XPO6: variants seen among roughly 807,000 people sequenced by gnomAD.
XPO6 encodes exportin 6.
XPO6 carries 3 observed loss-of-function variants against 130.0 expected under a neutral mutation model. That is an observed-to-expected ratio of 0.02 (90% CI 0.01 to 0.06). The LOEUF (loss-of-function observed/expected upper bound fraction) is 0.06. Ranked by LOEUF, XPO6 falls within the 10% of genes least tolerant of loss-of-function variation. The pLI is 1.00. For missense variants in XPO6, 970 were observed against 1,393.0 expected (o/e 0.70, Z 4.83); for synonymous variants, 524 against 548.9 (o/e 0.95, Z 0.63).
intron 8 of XPO6, among the ~76,000 whole-genome samples, chr16:28,152,050 C>A (rs2043100934): frequency 6.6e-6 from 1 of 150,546 alleles, no homozygotes; most frequent in Non-Finnish European, 1.5e-5. Flanking sequence ...AATAAAGCCA[C>A]ATATATAATT....
At chr16:28,119,827 G>C (rs1029660490) in intron 14 of XPO6, among the ~76,000 whole-genome samples, 5 of 152,052 alleles carry the variant, frequency 3.3e-5, no homozygotes, top group Non-Finnish European at 7.4e-5. Context: ...AAGGATTTAC[G>C]GGTGAAGTGA....
At position 28,197,836 on chromosome 16, in the gene XPO6, T is replaced by C. The variant is rs1031169153; in HGVS notation, c.3+13530A>G. 3.3e-5 allele frequency among the ~76,000 whole-genome samples: 5 copies of C among 149,874 alleles called. No homozygotes were observed. In the East Asian group the frequency reaches 9.8e-4, roughly 29 times the overall value. On this transcript the variant is annotated intron_variant, in intron 1 of 23. Transcript: ENST00000304658. ...TGGGAGGCTGAGGCAGGAAAACTGC[T>C]TGAACCCGGGAGGCGGAGGTTACAG...
chr16:28,111,734 C>A lies in XPO6; in HGVS notation c.2341+83G>T. The A allele has an allele frequency of 4.6e-6, 7 of 1,506,964 alleles. No individual in the cohort carries two copies. In the South Asian group the frequency reaches 8.8e-5, roughly 19 times the overall value. 93.3% of individuals were successfully genotyped at this position (1,506,964 alleles called of 1,614,324 possible). A position where few individuals can be genotyped will look rare whatever the true frequency, so the allele number is the denominator to read the frequency against. On this transcript the variant is annotated intron_variant, in intron 17 of 23. Transcript: ENST00000304658. ...GAACAAAAAAAATTTACCTCAGGAG[C>A]CTCCGGGGCAAATCTCATCTGCCAC... is the stretch of plus-strand genomic sequence containing the variant.
At chr16:28,133,976 T>TC (rs1310058450) in intron 10 of XPO6, 43 bp from the exon 11 acceptor site, 1 of 1,599,952 alleles carries the variant, frequency 6.3e-7, no homozygotes, top group South Asian at 1.1e-5. Context: ...CAGAATCCTC[T>TC]CATCTTCCTT....
In XPO6 at chr16:28,152,779, G is replaced by A. The variant is rs777809094; in HGVS notation, c.1104C>T (p.Ile368=). 6.2e-6 allele frequency: 10 copies of A among 1,612,184 alleles called. 1 individual carries two copies. The East Asian group carries it at 6.7e-5, about 11-fold the overall frequency. The change falls in exon 8 of 24, where the codon ATC becomes ATT. Residue 368 remains isoleucine, a synonymous_variant. Transcript: ENST00000304658. ...SRLEELDESY[I]EKFTDFLRLF... ...GCCGAAGAAAGTCAGTAAACTTCTCGATATAGCTAAATGAGACAAGACAAA... is the reference window on the plus strand; with the variant it reads ...GCCGAAGAAAGTCAGTAAACTTCTCAATATAGCTAAATGAGACAAGACAAA...
intron 8 of XPO6, 88 bp from the exon 9 acceptor site, chr16:28,146,291 G>T: frequency 9.6e-7 from 1 of 1,043,442 alleles, no homozygotes; most frequent in Non-Finnish European, 1.4e-6. Context: ...AATTCCAGCA[G>T]AATGATGAAA....
At position 28,211,929 on chromosome 16, in the gene XPO6, G is replaced by A. The variant is rs569115047; in HGVS notation, c.-561C>T. Reference sequence around the variant, plus strand: ...CTGGAGCCGCCCGCTAGTACCGCGCGGCCGCCCCCGACCAACAGCCCCAAC... The same window carrying A: ...CTGGAGCCGCCCGCTAGTACCGCGCAGCCGCCCCCGACCAACAGCCCCAAC... On this transcript the variant is annotated 5_prime_UTR_variant, in exon 1 of 24. Transcript: ENST00000304658. 101 of 152,856 alleles carry A rather than the reference G, an allele frequency of 6.6e-4. No homozygotes were observed. The East Asian group carries it at 8.5e-3, about 13-fold the overall frequency. 9.5% of individuals were successfully genotyped at this position (152,856 alleles called of 1,614,324 possible).
chr16:28,156,055 C>T lies in XPO6; in HGVS notation c.1097+19G>A. 1 of 1,577,110 alleles carries T rather than the reference C, an allele frequency of 6.3e-7. No individual in the cohort carries two copies. The highest frequency in any genetic ancestry group is 2.2e-5 in the East Asian group (1 of 44,628). On this transcript the variant is annotated intron_variant, in intron 7 of 23. Transcript: ENST00000304658. ...GGCCCTTTCTTGGGGCACACCAGCTCCACACTTGGTTTCATTACCTCTCAT... is the reference window on the plus strand; with the variant it reads ...GGCCCTTTCTTGGGGCACACCAGCTTCACACTTGGTTTCATTACCTCTCAT...
chr16:28,170,332 C>CAAAAAAAAAAAAAAAAAAAA (rs10638478), intron 4 of XPO6, among the ~76,000 whole-genome samples: 2 of 81,344 alleles, frequency 2.5e-5, no homozygotes, highest in Non-Finnish European at 2.9e-5. Flanking sequence ...AACTCTGTCT[C>CAAAAAAAAAAAAAAAAAAAA]AAAAAAAAAA....
chr16:28,107,915 A>ATGCC (rs879442692), intron 17 of XPO6, among the ~76,000 whole-genome samples: 12 of 152,134 alleles, frequency 7.9e-5, no homozygotes, highest in Non-Finnish European at 1.5e-4. Context: ...TGGGGAGAAG[A>ATGCC]TGCCTGCCTG....
chr16:28,135,109 G>C (rs2042749340), intron 10 of XPO6, 107 bp downstream of exon 10: 1 of 828,326 alleles, frequency 1.2e-6, no homozygotes, highest in African/African-American at 1.7e-5. Context: ...AGACTACTCT[G>C]GTTTCAGAAC....
At chr16:28,128,589 C>G (rs2042606735) in intron 12 of XPO6, among the ~76,000 whole-genome samples, 1 of 152,154 alleles carries the variant, frequency 6.6e-6, no homozygotes, top group African/African-American at 2.4e-5. Context: ...AAACACTACC[C>G]TAAATCAAGT....
intron 12 of XPO6, chr16:28,126,881 C>G (rs1232442483): frequency 6.6e-6 from 1 of 152,310 alleles, no homozygotes; most frequent in African/African-American, 2.4e-5. Context: ...CCCAGAACTC[C>G]CCGGGTACTT....
At chr16:28,170,269 T>C (rs564530184) in intron 4 of XPO6, among the ~76,000 whole-genome samples, 199 of 148,052 alleles carry the variant, frequency 1.3e-3, no homozygotes, top group Non-Finnish European at 1.7e-3. Context: ...GAGGTGGAGG[T>C]TGTGGTGAGC....
intron 21 of XPO6, 125 bp downstream of exon 21, chr16:28,104,421 A>G: frequency 8.2e-7 from 1 of 1,212,896 alleles, no homozygotes; most frequent in African/African-American, 1.5e-5. Flanking sequence ...AAATTAATTA[A>G]CTTCATCAAT....
Position 28,132,600 on chromosome 16 carries a change from C to T in XPO6, c.1537-197G>A, listed in dbSNP as rs544603745. On this transcript the variant is annotated intron_variant, in intron 11 of 23. Coordinates refer to ENST00000304658, the MANE Select transcript of XPO6 (RefSeq NM_015171.4). The surrounding 1 kb of genome is among the most constrained non-coding windows in gnomAD (Gnocchi z 4.0). ...CCCCAACTAGTTTCTATAATTGAAACCGCCAATTAATACACAGAATAAGAA... is the reference window on the plus strand; with the variant it reads ...CCCCAACTAGTTTCTATAATTGAAATCGCCAATTAATACACAGAATAAGAA... 3.3e-5 allele frequency among the ~76,000 whole-genome samples: 5 copies of T among 150,116 alleles called. No homozygotes were observed. The highest frequency in any genetic ancestry group is 1.2e-4 in the African/African-American group (5 of 40,706).
chr16:28,117,100 G>T, intron 15 of XPO6: 1 of 534,884 alleles, frequency 1.9e-6, no homozygotes, highest in Non-Finnish European at 3.2e-6. Context: ...CAGTGAGCAT[G>T]TATTCATGTG....
At chr16:28,128,700 C>T (rs554744673) in intron 12 of XPO6, among the ~76,000 whole-genome samples, 3 of 152,352 alleles carry the variant, frequency 2.0e-5, no homozygotes, top group Non-Finnish European at 4.4e-5. Flanking sequence ...GCACACCCGG[C>T]CCTTCAGCCT....
chr16:28,110,862 T>C (rs890683204), intron 17 of XPO6, among the ~76,000 whole-genome samples: 2 of 152,256 alleles, frequency 1.3e-5, no homozygotes, highest in Non-Finnish European at 2.9e-5. Flanking sequence ...GACTTGACGA[T>C]GGATATAGAA....
Sources: allele counts gnomAD v4.1 joint callset (sites outside exome capture counted in the v4.1 genomes callset), GRCh38; gene constraint gnomAD v4.1.1; non-coding constraint Gnocchi (gnomAD v3.1); transcripts MANE v1.5; gene names NCBI Gene and HGNC (gene_info 2026-07-23, HGNC 2026-07-21).